The following MAP3K19 variants were observed in gnomAD, a reference collection of about 807,000 sequenced individuals.
The protein encoded by MAP3K19 is SPS1/STE20-related protein kinase YSK4.
In MAP3K19, 91 loss-of-function variants were observed where a neutral mutation model predicts 114.4. That is an observed-to-expected ratio of 0.80 (90% CI 0.67 to 0.95). The LOEUF (loss-of-function observed/expected upper bound fraction) is 0.95, where lower values mean the gene tolerates loss of function less well. MAP3K19 is among the 40% of genes least tolerant of loss of function. The pLI is 0.00. For synonymous variants in MAP3K19, 518 were observed against 530.5 expected, an observed-to-expected ratio of 0.98 and a Z score of 0.32; for missense variants, 1,471 against 1,573.2, an observed-to-expected ratio of 0.94 and a Z score of 1.10.
intron 12 of MAP3K19, among the ~76,000 whole-genome samples, chr2:134,966,749 T>C (rs2105123168): frequency 6.6e-6 from 1 of 152,294 alleles, no homozygotes; most frequent in Admixed American, 6.5e-5. Context: ...AGACATCTCC[T>C]GTATCAGGAG....
intron 8 of MAP3K19, among the ~76,000 whole-genome samples, chr2:134,997,906 TTTC>T (rs1204734258): frequency 1.3e-5 from 2 of 152,178 alleles, no homozygotes; most frequent in African/African-American, 4.8e-5. Context: ...TATTCTTTTT[TTTC>T]TTTTTTGGTA....
chr2:134,969,948 T>C (rs1333039808), intron 12 of MAP3K19, among the ~76,000 whole-genome samples: 1 of 152,186 alleles, frequency 6.6e-6, no homozygotes, highest in African/African-American at 2.4e-5. Context: ...CTGGGTTCTC[T>C]ACTCTGTTCT....
Position 135,021,756 on chromosome 2 carries a change from T to C in MAP3K19, c.97A>G (p.Lys33Glu). 6.2e-6 allele frequency: 10 copies of C among 1,613,014 alleles called. No homozygotes were observed. Among genetic ancestry groups the C allele is most frequent in the Non-Finnish European group, 7.6e-6 (9 of 1,179,578 alleles). ...CTTTGCAAGATGATGTTTTGATTTTTGGTAACTGTCATCAAATCAGTTGGA... is the reference window on the plus strand; with the variant it reads ...CTTTGCAAGATGATGTTTTGATTTTCGGTAACTGTCATCAAATCAGTTGGA... The part of the protein sequence containing the change: ...SSPTDLMTVT[K>E]NQNIILQSIS... The change falls in exon 5 of 13, where the codon AAA becomes GAA. Residue 33 changes from lysine to glutamate, a missense_variant. Coordinates refer to ENST00000392915, the MANE Select transcript of MAP3K19 (RefSeq NM_025052.5).
At position 134,983,845 on chromosome 2, in the gene MAP3K19, G is replaced by C; in HGVS notation, c.3073-20C>G. On this transcript the variant is annotated intron_variant, in intron 10 of 12. Transcript: ENST00000392915. ...ATGCCTCTGGAAGAATGAGACAAAA[G>C]GAAAGATGACCATTAAACCAAGTCA... is the stretch of plus-strand genomic sequence containing the variant. 6.5e-7 allele frequency: 1 copy of C among 1,539,034 alleles called. No individual in the cohort carries two copies. The highest frequency in any genetic ancestry group is 2.3e-5 in the East Asian group (1 of 42,674).
chr2:134,965,917 A>G (rs1007683321), intron 12 of MAP3K19, among the ~76,000 whole-genome samples: 4 of 152,152 alleles, frequency 2.6e-5, no homozygotes, highest in African/African-American at 9.7e-5. Flanking sequence ...TCTGATAACT[A>G]TCATTCTACT....
chr2:134,986,192 C>G lies in MAP3K19; in HGVS notation c.2680G>C (p.Asp894His). The stretch of plus-strand genomic sequence containing the variant: ...GTTTTAGAGTGATCTGAAACACTAT[C>G]AAACTCTAGATCATTAGTTAAAATT... ...SRILTNDLEF[D>H]SVSDHSKTLT... Residue 894 changes from aspartate (D) to histidine (H), a missense_variant, in exon 10 of 13, where the codon GAT becomes CAT. Physicochemically the swap from Asp to His is moderately conservative, Grantham distance 81. Coordinates refer to ENST00000392915, the MANE Select transcript of MAP3K19 (RefSeq NM_025052.5). 6.2e-7 allele frequency: 1 copy of G among 1,613,692 alleles called. No homozygotes were observed. Among genetic ancestry groups the G allele is most frequent in the Non-Finnish European group, 8.5e-7 (1 of 1,179,918 alleles).
chr2:135,041,730 T>C (rs1251542025), intron 1 of MAP3K19, among the ~76,000 whole-genome samples: 1 of 152,230 alleles, frequency 6.6e-6, no homozygotes, highest in African/African-American at 2.4e-5. Flanking sequence ...CCACATGCTA[T>C]TGATTCGATG....
chr2:135,043,410 G>A (rs1688683474), intron 1 of MAP3K19, among the ~76,000 whole-genome samples: 2 of 152,088 alleles, frequency 1.3e-5, no homozygotes, highest in African/African-American at 2.4e-5. Flanking sequence ...TGAGCCTGGC[G>A]ACTCTCTTTC....
intron 5 of MAP3K19, among the ~76,000 whole-genome samples, 193 bp from the exon 6 acceptor site, chr2:135,005,724 G>C (rs1686766122): frequency 6.6e-6 from 1 of 152,152 alleles, no homozygotes; most frequent in South Asian, 2.1e-4. Flanking sequence ...TCATGGTTGT[G>C]ATTAATTGCA....
intron 9 of MAP3K19, among the ~76,000 whole-genome samples, chr2:134,988,634 C>T: frequency 6.6e-6 from 1 of 152,158 alleles, no homozygotes; most frequent in Middle Eastern, 3.2e-3. Context: ...AAGCAATCCT[C>T]CCACTTCTGC....
chr2:134,999,053 T>G lies in MAP3K19; in HGVS notation c.315-56A>C. 6.4e-7 allele frequency: 1 copy of G among 1,566,044 alleles called. No individual in the cohort carries two copies. Among genetic ancestry groups the G allele is most frequent in the Non-Finnish European group, 8.7e-7 (1 of 1,155,090 alleles). On this transcript the variant is annotated intron_variant, in intron 7 of 12. Coordinates refer to ENST00000392915, the MANE Select transcript of MAP3K19 (RefSeq NM_025052.5). The surrounding 1 kb of genome is among the most constrained non-coding windows in gnomAD (Gnocchi z 4.1). ...ACTCAGTTGCCACATCTTCTGGATCTCCAGTCCTCAGTTCAGCCTGACATC... is the reference window on the plus strand; with the variant it reads ...ACTCAGTTGCCACATCTTCTGGATCGCCAGTCCTCAGTTCAGCCTGACATC...
intron 5 of MAP3K19, among the ~76,000 whole-genome samples, chr2:135,017,906 T>A (rs868015007): frequency 6.6e-6 from 1 of 152,182 alleles, no homozygotes; most frequent in Non-Finnish European, 1.5e-5. Flanking sequence ...TATGTACCAC[T>A]AAAAATGACA....
intron 5 of MAP3K19, among the ~76,000 whole-genome samples, chr2:135,015,706 A>C (rs1473864174): frequency 6.6e-6 from 1 of 152,094 alleles, no homozygotes; most frequent in Non-Finnish European, 1.5e-5. Context: ...CATCCTGGCC[A>C]ACATAGTGAA....
chr2:135,032,364 AAAAAAAAAAG>A (rs1190710222), intron 2 of MAP3K19, among the ~76,000 whole-genome samples: 5 of 134,546 alleles, frequency 3.7e-5, no homozygotes, highest in Non-Finnish European at 7.6e-5. Flanking sequence ...CTGAAAAAAA[AAAAAAAAAAG>A]AAAAGAAAAG....
intron 12 of MAP3K19, among the ~76,000 whole-genome samples, chr2:134,975,595 G>A (rs939222066): frequency 6.6e-6 from 1 of 152,094 alleles, no homozygotes; most frequent in Non-Finnish European, 1.5e-5. Flanking sequence ...TGGGCAAGGG[G>A]AGCCTGTCAT....
At position 134,991,664 on chromosome 2, in the gene MAP3K19, C is replaced by T. The variant is rs938717117; in HGVS notation, c.575-84G>A. The T allele has an allele frequency of 4.4e-6, 5 of 1,126,738 alleles. No homozygotes were observed. In the Admixed American group the frequency reaches 9.1e-5, roughly 21 times the overall value. The allele number at this position is 1,126,738 out of a possible 1,614,324, so 69.8% of individuals were successfully genotyped here. On this transcript the variant is annotated intron_variant, in intron 8 of 12. Transcript: ENST00000392915. ...GCCAGAGTCTGGGGATGGAGTAATA[C>T]AGATGCTAAGGGGTCTGAGGAAAAG...
chr2:134,968,947 T>A (rs562311915), intron 12 of MAP3K19, among the ~76,000 whole-genome samples: 1 of 150,016 alleles, frequency 6.7e-6, no homozygotes, highest in Non-Finnish European at 1.5e-5. Context: ...CCAGAAGGGG[T>A]GGCGGCCGGG....
chr2:135,025,222 C>T (rs1293071562), intron 3 of MAP3K19, among the ~76,000 whole-genome samples: 3 of 151,678 alleles, frequency 2.0e-5, no homozygotes, highest in Non-Finnish European at 4.4e-5. Flanking sequence ...TTTTCTAATG[C>T]TAACAGCTAG....
intron 6 of MAP3K19, 91 bp downstream of exon 6, chr2:135,005,344 C>A: frequency 1.0e-6 from 1 of 981,756 alleles, no homozygotes; most frequent in South Asian, 1.4e-5. Flanking sequence ...GTATGTTGTT[C>A]AAACTTCTAC....
Sources: allele counts gnomAD v4.1 joint callset (sites outside exome capture counted in the v4.1 genomes callset), GRCh38; gene constraint gnomAD v4.1.1; non-coding constraint Gnocchi (gnomAD v3.1); transcripts MANE v1.5; gene names NCBI Gene and HGNC (gene_info 2026-07-23, HGNC 2026-07-21).